NDUFS4: variants seen among roughly 807,000 people sequenced by gnomAD.
The protein encoded by NDUFS4 is NADH dehydrogenase [ubiquinone] iron-sulfur protein 4, mitochondrial.
In NDUFS4, 28 loss-of-function variants were observed where a neutral mutation model predicts 24.3. The observed-to-expected ratio is 1.15, with a 90% CI of 0.85 to 1.58. NDUFS4 has a LOEUF of 1.58. Ranked by LOEUF, NDUFS4 falls within the 40% of genes most tolerant of loss-of-function variation. The pLI is 0.00. For missense variants in NDUFS4, 223 were observed against 207.9 expected (o/e 1.07, Z -0.45); for synonymous variants, 93 against 69.7 (o/e 1.34, Z -1.67).
intron 1 of NDUFS4, among the ~76,000 whole-genome samples, chr5:53,568,819 T>C (rs1749124589): frequency 6.6e-6 from 1 of 152,226 alleles, no homozygotes; most frequent in Non-Finnish European, 1.5e-5. Flanking sequence ...TTGAATCGTT[T>C]CAAATGTTGA....
At position 53,560,709 on chromosome 5, in the gene NDUFS4, G is replaced by A. The variant is rs188911977; in HGVS notation, c.47G>A (p.Arg16Gln). The A allele has an allele frequency of 6.2e-7, 1 of 1,614,222 alleles. No individual in the cohort carries two copies. The highest frequency in any genetic ancestry group is 2.2e-5 in the East Asian group (1 of 44,888). Residue 16 changes from arginine to glutamine, a missense_variant, in exon 1 of 5, where the codon CGG becomes CAG. Transcript: ENST00000296684. ...MSVVLRQTLWRRRAVAVAALS... is the reference protein window; with the variant it reads ...MSVVLRQTLWQRRAVAVAALS... ...GTGGTACTGAGGCAGACGTTGTGGC[G>A]GAGAAGGGCAGTGGCTGTAGCTGCC...
At chr5:53,657,189 T>C (rs1752187086) in intron 3 of NDUFS4, among the ~76,000 whole-genome samples, 1 of 152,232 alleles carries the variant, frequency 6.6e-6, no homozygotes, top group Non-Finnish European at 1.5e-5. Context: ...ATCATATTTA[T>C]GTTGATACTT....
At chr5:53,646,445 TTTTCTA>T in intron 3 of NDUFS4, 40 bp downstream of exon 3, 1 of 1,589,768 alleles carries the variant, frequency 6.3e-7, no homozygotes, top group East Asian at 2.2e-5. Flanking sequence ...TCAGCTATCT[TTTTCTA>T]TGTAGATCTT....
intron 1 of NDUFS4, among the ~76,000 whole-genome samples, chr5:53,564,408 A>G (rs1748953866): frequency 6.6e-6 from 1 of 152,216 alleles, no homozygotes; most frequent in Non-Finnish European, 1.5e-5. Flanking sequence ...CATCCAAGCC[A>G]AAGTTTGAGA....
At chr5:53,582,271 A>T (rs1296634797) in intron 1 of NDUFS4, among the ~76,000 whole-genome samples, 1 of 151,750 alleles carries the variant, frequency 6.6e-6, no homozygotes, top group Admixed American at 6.6e-5. Context: ...ATAAATAGCT[A>T]TATACACATT....
At chr5:53,572,197 AGTTT>A (rs1441428494) in intron 1 of NDUFS4, among the ~76,000 whole-genome samples, 1 of 152,214 alleles carries the variant, frequency 6.6e-6, no homozygotes, top group Non-Finnish European at 1.5e-5. Context: ...CAGCAAAGCC[AGTTT>A]GTTCTGATTC....
intron 1 of NDUFS4, among the ~76,000 whole-genome samples, chr5:53,574,324 A>G (rs995368013): frequency 2.0e-5 from 3 of 152,174 alleles, no homozygotes; most frequent in East Asian, 1.9e-4. Context: ...TTATGCATCA[A>G]TTGGTGTAGT....
At chr5:53,683,027 A>AAGTT (rs1740722412) in intron 4 of NDUFS4, 91 bp from the exon 5 acceptor site, 1 of 842,940 alleles carries the variant, frequency 1.2e-6, no homozygotes, top group Non-Finnish European at 2.1e-6. Context: ...ACATTAAGTT[A>AAGTT]AGTTATAAAA....
At chr5:53,592,239 G>A (rs1022307256) in intron 1 of NDUFS4, among the ~76,000 whole-genome samples, 7 of 151,974 alleles carry the variant, frequency 4.6e-5, no homozygotes, top group Middle Eastern at 3.2e-3. Flanking sequence ...GGTGTGAGCC[G>A]CTGCGCCCGG....
intron 1 of NDUFS4, among the ~76,000 whole-genome samples, chr5:53,575,288 T>G (rs1561336213): frequency 6.6e-6 from 1 of 152,168 alleles, no homozygotes; most frequent in Admixed American, 6.5e-5. Flanking sequence ...TCTTCCCTGA[T>G]CTGCCTGCTA....
rs140390635 is a variant in NDUFS4 at position 53,566,630 on chromosome 5, G to A, written c.98+5870G>A. On this transcript the variant is annotated intron_variant, in intron 1 of 4. Transcript: ENST00000296684. ...ACTCCTCAAGGACACCAAAATCCAC[G>A]GATGCTCAAGTCCTTGATTTAAGAT... Among the ~76,000 whole-genome samples the A allele has an allele frequency of 1.6e-3, 250 of 152,066 alleles. 1 individual carries two copies. Among genetic ancestry groups the A allele is most frequent in the African/African-American group, 5.5e-3 (228 of 41,458 alleles).
chr5:53,620,288 G>A (rs1457963170), intron 2 of NDUFS4, among the ~76,000 whole-genome samples: 1 of 151,978 alleles, frequency 6.6e-6, no homozygotes, highest in Non-Finnish European at 1.5e-5. Context: ...CTGACACAGG[G>A]GGCATGTAGC....
Position 53,646,418 on chromosome 5 carries a change from T to C in NDUFS4, c.350+13T>C, listed in dbSNP as rs759277062. 5 of 1,612,244 alleles carry C rather than the reference T, an allele frequency of 3.1e-6. No individual in the cohort carries two copies. The highest frequency in any genetic ancestry group is 2.2e-5 in the South Asian group (2 of 90,992). On this transcript the variant is annotated intron_variant, in intron 3 of 4. Coordinates refer to ENST00000296684, the MANE Select transcript of NDUFS4 (RefSeq NM_002495.4). ...GTTGGGCATCAACGTGAGTACTTTA[T>C]TTTAATGTGAATATTGTCAGCTATC...
chr5:53,639,417 T>C (rs997989804), intron 2 of NDUFS4, among the ~76,000 whole-genome samples: 5 of 151,978 alleles, frequency 3.3e-5, no homozygotes, highest in African/African-American at 1.2e-4. Context: ...TTCAAATTTA[T>C]GTTCAGCAAT....
At chr5:53,570,710 G>A (rs1229857736) in intron 1 of NDUFS4, among the ~76,000 whole-genome samples, 5 of 129,654 alleles carry the variant, frequency 3.9e-5, no homozygotes, top group Non-Finnish European at 6.3e-5. Flanking sequence ...TTGAGACAGA[G>A]TCTTGCTCTG....
intron 2 of NDUFS4, among the ~76,000 whole-genome samples, chr5:53,617,722 A>G (rs1323809021): frequency 2.6e-5 from 4 of 152,184 alleles, no homozygotes; most frequent in Non-Finnish European, 5.9e-5. Context: ...TTGTAAATAT[A>G]TAGGACTTTT....
intron 2 of NDUFS4, among the ~76,000 whole-genome samples, chr5:53,642,036 T>G (rs1249867461): frequency 6.6e-6 from 1 of 152,154 alleles, no homozygotes; most frequent in African/African-American, 2.4e-5. Context: ...AAAAGCATGA[T>G]AAAAGTTTTG....
chr5:53,609,765 C>G (rs528519310), intron 2 of NDUFS4, among the ~76,000 whole-genome samples: 2 of 152,040 alleles, frequency 1.3e-5, no homozygotes, highest in South Asian at 4.2e-4. Flanking sequence ...GCTTCTCTGT[C>G]AGCACTTGGG....
chr5:53,620,074 G>A (rs1214607482), intron 2 of NDUFS4, among the ~76,000 whole-genome samples: 1 of 151,546 alleles, frequency 6.6e-6, no homozygotes, highest in Non-Finnish European at 1.5e-5. Flanking sequence ...CTGAGCCCAG[G>A]AGTTCAAGAC....
Sources: gnomAD v4.1 joint callset for allele counts (sites outside exome capture counted in the v4.1 genomes callset) on GRCh38, gnomAD v4.1.1 for gene constraint, MANE v1.5 for transcripts, NCBI Gene and HGNC (gene_info 2026-07-23, HGNC 2026-07-21) for gene names.